SHROOM4: variants seen among roughly 807,000 people sequenced by gnomAD.
The protein encoded by SHROOM4 is protein Shroom4.
SHROOM4 carries 17 observed loss-of-function variants against 80.3 expected under a neutral mutation model. The ratio of observed to expected loss-of-function variants is 0.21; its 90% CI spans 0.14 to 0.32. The LOEUF (loss-of-function observed/expected upper bound fraction) is 0.32. SHROOM4 is among the 10% of genes least tolerant of loss of function. The pLI is 1.00. For missense variants in SHROOM4, 993 were observed against 1,140.3 expected, an observed-to-expected ratio of 0.87 and a Z score of 1.86; for synonymous variants, 400 against 437.5, an observed-to-expected ratio of 0.91 and a Z score of 1.07.
At chrX:50,653,675 C>G (rs1253598216) in intron 2 of SHROOM4, among the ~76,000 whole-genome samples, 1 of 111,778 alleles carries the variant, frequency 8.9e-6, no homozygotes, top group East Asian at 2.8e-4. Flanking sequence ...CAGCTTCTGT[C>G]CATTCAGTAT....
chrX:50,752,130 G>A (rs1369931974), intron 1 of SHROOM4, among the ~76,000 whole-genome samples: 3 of 111,674 alleles, frequency 2.7e-5, no homozygotes, highest in Admixed American at 1.9e-4. Flanking sequence ...CAATATTATA[G>A]GGATTCCCTG....
intron 1 of SHROOM4, among the ~76,000 whole-genome samples, chrX:50,763,074 T>C (rs921118428): frequency 3.7e-4 from 41 of 111,397 alleles, no homozygotes; most frequent in Non-Finnish European, 3.4e-4. Context: ...GGAGCTCTGT[T>C]CATTTCCTTT....
At chrX:50,580,394 CA>C in the SHROOM4 span, among the ~76,000 whole-genome samples, 1 of 112,118 alleles carries the variant, frequency 8.9e-6, no homozygotes, top group Non-Finnish European at 1.9e-5. Context: ...CTGCTTTAGA[CA>C]AATCTTTTTC....
At chrX:50,781,263 C>A (rs1241219645) in intron 1 of SHROOM4, among the ~76,000 whole-genome samples, 2 of 111,569 alleles carry the variant, frequency 1.8e-5, no homozygotes, top group South Asian at 7.7e-4. Context: ...TAATGTCTTA[C>A]CAGCTATCTG....
intron 3 of SHROOM4, 44 bp from the exon 4 acceptor site, chrX:50,635,712 C>T (rs782219886): frequency 1.2e-5 from 14 of 1,154,019 alleles, no homozygotes; most frequent in Non-Finnish European, 1.2e-6. Flanking sequence ...AAGTCATGGC[C>T]AGCCCTACTA....
chrX:50,676,181 T>C (rs935752623), intron 2 of SHROOM4, among the ~76,000 whole-genome samples: 11 of 111,437 alleles, frequency 9.9e-5, no homozygotes, highest in African/African-American at 3.2e-4. Context: ...CTGGACAGCA[T>C]GGGGAAGTAG....
chrX:50,788,464 G>A (rs967112313), intron 1 of SHROOM4, among the ~76,000 whole-genome samples: 7 of 110,684 alleles, frequency 6.3e-5, no homozygotes, highest in Admixed American at 9.6e-5. Flanking sequence ...AAAATTAGCC[G>A]GGCGTGGTGG....
At chrX:50,732,787 A>G (rs1245187316) in intron 1 of SHROOM4, among the ~76,000 whole-genome samples, 2 of 112,506 alleles carry the variant, frequency 1.8e-5, no homozygotes, top group Non-Finnish European at 3.8e-5. Context: ...GACTATCCAC[A>G]AAGATAAGCC....
At chrX:50,771,176 C>T (rs1360620584) in intron 1 of SHROOM4, among the ~76,000 whole-genome samples, 1 of 111,132 alleles carries the variant, frequency 9.0e-6, no homozygotes, top group African/African-American at 3.3e-5. Context: ...AGGTATTTCT[C>T]CCCAAATCTG....
At chrX:50,788,607 C>CAA (rs782285203) in intron 1 of SHROOM4, among the ~76,000 whole-genome samples, 29 of 46,608 alleles carry the variant, frequency 6.2e-4, no homozygotes, top group African/African-American at 1.6e-3. Context: ...GACTCCGTCT[C>CAA]AAAAAAAAAA....
At chrX:50,810,641 T>C (rs1189275768) in intron 1 of SHROOM4, among the ~76,000 whole-genome samples, 7 of 111,815 alleles carry the variant, frequency 6.3e-5, no homozygotes, top group African/African-American at 2.3e-4. Flanking sequence ...TCACCAAGTA[T>C]GGAATTACAG....
In SHROOM4 at chrX:50,596,757, G is replaced by A; in HGVS notation, c.4420C>T (p.Leu1474Phe). The change falls in exon 9 of 9, where the codon CTC becomes TTC. Residue 1474 changes from leucine (L) to phenylalanine (F), a missense_variant. By Grantham distance (22) the Leu-to-Phe change is conservative (BLOSUM62 0). Coordinates refer to ENST00000376020, the MANE Select transcript of SHROOM4 (RefSeq NM_020717.5). Reference protein sequence around the residue: ...EQRELEEKIKLGEEQLKCLRE... With the variant: ...EQRELEEKIKFGEEQLKCLRE... ...AGACATTTGAGTTGCTCTTCCCCGAGCTTGATCTTCTCCTCCAGCTCTCGC... is the reference window on the plus strand; with the variant it reads ...AGACATTTGAGTTGCTCTTCCCCGAACTTGATCTTCTCCTCCAGCTCTCGC... The A allele has an allele frequency of 2.5e-6, 3 of 1,212,042 alleles. No individual in the cohort carries two copies. The highest frequency in any genetic ancestry group is 3.3e-6 in the Non-Finnish European group (3 of 895,594).
At chrX:50,774,814 C>A (rs1935471711) in intron 1 of SHROOM4, among the ~76,000 whole-genome samples, 1 of 111,376 alleles carries the variant, frequency 9.0e-6, no homozygotes, top group Non-Finnish European at 1.9e-5. Context: ...GGTTTCAGAA[C>A]CTTAATCTGA....
chrX:50,765,163 C>T (rs1935247791), intron 1 of SHROOM4, among the ~76,000 whole-genome samples: 1 of 111,892 alleles, frequency 8.9e-6, no homozygotes, highest in Non-Finnish European at 1.9e-5. Context: ...CACAGCCAGA[C>T]CATATCACAA....
intron 1 of SHROOM4, among the ~76,000 whole-genome samples, chrX:50,717,304 G>A (rs1195575387): frequency 6.3e-5 from 7 of 111,680 alleles, no homozygotes; most frequent in Non-Finnish European, 1.1e-4. Flanking sequence ...TGCAAGCTCC[G>A]CCTCCCGGGT....
downstream of SHROOM4, among the ~76,000 whole-genome samples, chrX:50,583,610 T>G (rs1266253128): frequency 1.8e-5 from 2 of 112,040 alleles, no homozygotes; most frequent in Non-Finnish European, 3.8e-5. Flanking sequence ...TATAAGGAAC[T>G]GTGGCAAGGC....
At chrX:50,576,891 A>T in the SHROOM4 span, among the ~76,000 whole-genome samples, 1 of 111,831 alleles carries the variant, frequency 8.9e-6, no homozygotes, top group African/African-American at 3.3e-5. Context: ...TAATTTTCTC[A>T]AATATTTCCT....
intron 2 of SHROOM4, among the ~76,000 whole-genome samples, chrX:50,674,179 T>C (rs1219203390): frequency 9.0e-6 from 1 of 111,564 alleles, no homozygotes; most frequent in Non-Finnish European, 1.9e-5. Context: ...TAAATGTTTA[T>C]ACATATTTAA....
intron 2 of SHROOM4, among the ~76,000 whole-genome samples, chrX:50,679,319 C>T (rs1932896678): frequency 9.0e-6 from 1 of 111,645 alleles, no homozygotes; most frequent in African/African-American, 3.3e-5. Context: ...GTGAATTATC[C>T]TTATCCTTAA....
Sources: allele counts gnomAD v4.1 joint callset (sites outside exome capture counted in the v4.1 genomes callset), GRCh38; gene constraint gnomAD v4.1.1; transcripts MANE v1.5; gene names NCBI Gene and HGNC (gene_info 2026-07-23, HGNC 2026-07-21).